RAB33B: variants seen among roughly 807,000 people sequenced by gnomAD.
RAB33B encodes the protein ras-related protein Rab-33B.
A neutral mutation model predicts 15.0 loss-of-function variants in RAB33B; 6 were observed. That is an observed-to-expected ratio of 0.40 (90% CI 0.22 to 0.79). The LOEUF (loss-of-function observed/expected upper bound fraction) is 0.79. Among genes scored for constraint, RAB33B ranks in the 30% least tolerant of loss-of-function variants. RAB33B has a pLI of 0.37. For missense variants in RAB33B, 257 were observed against 296.4 expected (o/e 0.87, Z 0.98); for synonymous variants, 117 against 108.3 (o/e 1.08, Z -0.50).
chr4:139,450,669 A>G (rs927699155), upstream of RAB33B: 2 of 152,250 alleles, frequency 1.3e-5, no homozygotes, highest in Non-Finnish European at 2.9e-5. Flanking sequence ...TAAAATGTCA[A>G]TAGTGCCAAG....
chr4:139,467,297 G>A (rs1396049861), intron 1 of RAB33B, among the ~76,000 whole-genome samples: 15 of 84,670 alleles, frequency 1.8e-4, no homozygotes, highest in Non-Finnish European at 2.2e-4. Flanking sequence ...TCCCCACCAC[G>A]CCCCCCGCCG....
chr4:139,456,775 T>C lies in RAB33B; in HGVS notation c.249+2331T>C, dbSNP rs115325127. On this transcript the variant is annotated intron_variant, in intron 1 of 1. Coordinates refer to ENST00000305626, the MANE Select transcript of RAB33B (RefSeq NM_031296.3). The stretch of plus-strand genomic sequence containing the variant: ...CAGACATGTTCTGAGGTTTCTATAG[T>C]AGGAAAAGATATAGCTATGTTGGGC... Among the ~76,000 whole-genome samples the C allele has an allele frequency of 2.0e-3, 307 of 152,370 alleles. 2 individuals are homozygous for C. Among genetic ancestry groups the C allele is most frequent in the African/African-American group, 6.6e-3 (274 of 41,582 alleles).
chr4:139,449,705 GCCTATTCTGGGA>G (rs796587739), upstream of RAB33B: 4 of 151,844 alleles, frequency 2.6e-5, no homozygotes, highest in African/African-American at 9.7e-5. Context: ...CTTGCATATG[GCCTATTCTGGGA>G]CCTTGTGATC....
intron 1 of RAB33B, among the ~76,000 whole-genome samples, chr4:139,461,011 G>A (rs1003019560): frequency 1.3e-5 from 2 of 152,204 alleles, no homozygotes; most frequent in African/African-American, 4.8e-5. Flanking sequence ...TACTTCTCTG[G>A]AATCAGTGGT....
the RAB33B span, among the ~76,000 whole-genome samples, chr4:139,445,446 G>C: frequency 1.1e-4 from 17 of 152,288 alleles, no homozygotes; most frequent in Admixed American, 9.8e-4. Context: ...CACAGAAGAT[G>C]GAAAATAAAT....
At chr4:139,444,849 T>A in the RAB33B span, among the ~76,000 whole-genome samples, 2 of 152,136 alleles carry the variant, frequency 1.3e-5, no homozygotes, top group Admixed American at 6.5e-5. Context: ...TAAGGGCTAT[T>A]ATGGTGGAAA....
Position 139,473,048 on chromosome 4 carries a change from A to G in RAB33B, c.612A>G (p.Pro204=), listed in dbSNP as rs767438799. The G allele has an allele frequency of 2.5e-5, 40 of 1,614,032 alleles. No individual in the cohort carries two copies. Among genetic ancestry groups the G allele is most frequent in the Non-Finnish European group, 3.2e-5 (38 of 1,180,034 alleles). The change falls in exon 2 of 2, where the codon CCA becomes CCG. Residue 204 remains proline (P), a synonymous_variant. Transcript: ENST00000305626. ...CTCATAAGCTTAAGAGCCACAAACC[A>G]TTAATGCTTAGTCAGCCCCCTGATA... ...TLAHKLKSHK[P]LMLSQPPDNG...
intron 1 of RAB33B, among the ~76,000 whole-genome samples, chr4:139,462,053 CTTTTTTT>C (rs1171840158): frequency 7.4e-6 from 1 of 135,458 alleles, no homozygotes; most frequent in Non-Finnish European, 1.6e-5. Flanking sequence ...GATGACAGCT[CTTTTTTT>C]TTTTTTTTTT....
chr4:139,452,815 T>C (rs188531702), upstream of RAB33B: 212 of 152,356 alleles, frequency 1.4e-3, no homozygotes, highest in African/African-American at 4.9e-3. Flanking sequence ...TCATCTCCTT[T>C]CCTAGAACTT....
chr4:139,463,921 G>T (rs1421534704), intron 1 of RAB33B, among the ~76,000 whole-genome samples: 3 of 152,198 alleles, frequency 2.0e-5, no homozygotes, highest in Admixed American at 2.0e-4. Flanking sequence ...CTTCTTTTTA[G>T]ATATTCCTTT....
upstream of RAB33B, chr4:139,453,990 C>T (rs936154758): frequency 4.3e-6 from 2 of 470,516 alleles, no homozygotes; most frequent in East Asian, 3.9e-5. Context: ...CAGGCGGCTC[C>T]GTGCGGCGGG....
intron 1 of RAB33B, among the ~76,000 whole-genome samples, chr4:139,454,721 T>C (rs1307673577): frequency 1.2e-4 from 18 of 152,326 alleles, no homozygotes; most frequent in Non-Finnish European, 2.2e-4. Flanking sequence ...AGCTAGTCCG[T>C]GGACCACACT....
rs766613518 is a variant in RAB33B at position 139,454,176 on chromosome 4, GT to G, written c.-17del. 2 of 1,600,974 alleles carry G rather than the reference GT, an allele frequency of 1.2e-6. No homozygotes were observed. The highest frequency in any genetic ancestry group is 1.7e-5 in the Admixed American group (1 of 59,074). On this transcript the variant is annotated 5_prime_UTR_variant, in exon 1 of 2. Coordinates refer to ENST00000305626, the MANE Select transcript of RAB33B (RefSeq NM_031296.3). ...TCTGTGTCTCCTTTCCTCCGCCTCA[GT>G]TTGGGGCGGGTCGGGGGAATGGCTG...
the RAB33B span, among the ~76,000 whole-genome samples, chr4:139,445,475 C>G: frequency 1.3e-5 from 2 of 152,202 alleles, no homozygotes; most frequent in Non-Finnish European, 2.9e-5. Context: ...AATTCAGGGA[C>G]CTTCTACCTC....
intron 1 of RAB33B, among the ~76,000 whole-genome samples, chr4:139,464,152 G>A (rs184728284): frequency 5.9e-5 from 9 of 152,186 alleles, no homozygotes; most frequent in Admixed American, 2.0e-4. Flanking sequence ...CTGGTGACAC[G>A]CGCCTGTGGT....
At chr4:139,456,172 A>G (rs1181459344) in intron 1 of RAB33B, among the ~76,000 whole-genome samples, 1 of 152,176 alleles carries the variant, frequency 6.6e-6, no homozygotes, top group Non-Finnish European at 1.5e-5. Context: ...GTGGCTTAAC[A>G]TTATTTTTCC....
intron 1 of RAB33B, 82 bp from the exon 2 acceptor site, chr4:139,472,604 G>T: frequency 2.0e-6 from 2 of 1,007,882 alleles, no homozygotes; most frequent in Non-Finnish European, 1.4e-6. Context: ...AGATAATAAA[G>T]ACAATGCAAG....
the RAB33B span, among the ~76,000 whole-genome samples, chr4:139,441,325 G>C: frequency 6.6e-6 from 1 of 152,200 alleles, no homozygotes; most frequent in Non-Finnish European, 1.5e-5. Context: ...GGGAGTTACA[G>C]AGACACATTG....
the RAB33B span, among the ~76,000 whole-genome samples, chr4:139,438,600 T>C: frequency 6.6e-6 from 1 of 151,964 alleles, no homozygotes; most frequent in Admixed American, 6.5e-5. Context: ...ATCTGCCTTT[T>C]TTTTTTGGTC....
Sources: gnomAD v4.1 joint callset for allele counts (sites outside exome capture counted in the v4.1 genomes callset) on GRCh38, gnomAD v4.1.1 for gene constraint, MANE v1.5 for transcripts, NCBI Gene and HGNC (gene_info 2026-07-23, HGNC 2026-07-21) for gene names.